The following CTNNA3 variants were observed in gnomAD, a reference collection of about 807,000 sequenced individuals.
The protein encoded by CTNNA3 is catenin alpha 3, also known as catenin alpha-3.
CTNNA3 carries 76 observed loss-of-function variants against 95.7 expected under a neutral mutation model. The ratio of observed to expected loss-of-function variants is 0.79; its 90% CI spans 0.66 to 0.96. The LOEUF is 0.96. CTNNA3 is among the 40% of genes least tolerant of loss of function. The probability of loss-of-function intolerance (pLI) is 0.00; values close to 1 mark genes in which losing one functional copy is unlikely to be tolerated. For missense variants in CTNNA3, 1,191 were observed against 1,089.8 expected (o/e 1.09, Z -1.31); for synonymous variants, 431 against 374.4 (o/e 1.15, Z -1.74).
At chr10:67,372,911 T>C (rs951569780) in intron 5 of CTNNA3, among the ~76,000 whole-genome samples, 9 of 152,050 alleles carry the variant, frequency 5.9e-5, no homozygotes, top group Non-Finnish European at 1.0e-4. Flanking sequence ...AAATACTTTA[T>C]AGACAAGCAA....
intron 5 of CTNNA3, among the ~76,000 whole-genome samples, chr10:67,236,191 G>T (rs577897322): frequency 5.1e-4 from 76 of 149,978 alleles, no homozygotes; most frequent in African/African-American, 1.8e-3. Flanking sequence ...AAATCATGCT[G>T]CTATAAAGAC....
At chr10:67,542,318 C>T (rs77382118) in intron 3 of CTNNA3, among the ~76,000 whole-genome samples, 4,923 of 152,062 alleles carry the variant, frequency 0.032, 96 homozygotes, top group Non-Finnish European at 0.043. Flanking sequence ...CTAGCATAAC[C>T]TTCATCATAA....
intron 13 of CTNNA3, among the ~76,000 whole-genome samples, chr10:66,183,734 C>T (rs1465257601): frequency 1.3e-5 from 2 of 152,074 alleles, no homozygotes; most frequent in Non-Finnish European, 2.9e-5. Flanking sequence ...GACATTGTGA[C>T]TTTTTTTCTT....
At chr10:65,924,997 G>T (rs1473374052) in intron 17 of CTNNA3, among the ~76,000 whole-genome samples, 1 of 152,036 alleles carries the variant, frequency 6.6e-6, no homozygotes, top group African/African-American at 2.4e-5. Flanking sequence ...CCTCCCACTG[G>T]GTCCCTCCCA....
chr10:66,820,239 C>T (rs1395959213), intron 7 of CTNNA3, among the ~76,000 whole-genome samples: 1 of 152,064 alleles, frequency 6.6e-6, no homozygotes, highest in African/African-American at 2.4e-5. Flanking sequence ...AAGCTGGTCA[C>T]AAAAGCTATG....
chr10:67,410,466 C>T (rs1490396623), intron 5 of CTNNA3, among the ~76,000 whole-genome samples: 1 of 151,956 alleles, frequency 6.6e-6, no homozygotes, highest in East Asian at 1.9e-4. Context: ...ACACATTTAC[C>T]TATGTAATAA....
intron 10 of CTNNA3, among the ~76,000 whole-genome samples, chr10:66,597,507 CATACATAT>C (rs1323397077): frequency 4.8e-4 from 38 of 79,614 alleles, no homozygotes; most frequent in African/African-American, 1.2e-3. Context: ...CATTTTATTT[CATACATAT>C]ATATATATAT....
rs1306706784 is a variant in CTNNA3, at chr10:66,153,299, G to A, written c.1885-50050C>T. ...ATTTCAACATCTGGGTCGTCTCAGG[G>A]TTGGACTCTGTTAATCATATATTTT... On this transcript the variant is annotated intron_variant, in intron 13 of 17. Transcript: ENST00000433211. Among the ~76,000 whole-genome samples, 4 of 151,920 alleles carry A rather than the reference G, an allele frequency of 2.6e-5. No homozygotes were observed. In the East Asian group the frequency reaches 7.7e-4, roughly 29 times the overall value.
chr10:66,223,222 A>T (rs2089067609), intron 13 of CTNNA3, among the ~76,000 whole-genome samples: 3 of 152,210 alleles, frequency 2.0e-5, no homozygotes, highest in Admixed American at 6.5e-5. Context: ...TAAGTAAGGA[A>T]TAAAACTCTA....
At chr10:67,144,748 T>C (rs1860760385) in intron 7 of CTNNA3, among the ~76,000 whole-genome samples, 1 of 152,218 alleles carries the variant, frequency 6.6e-6, no homozygotes, top group Admixed American at 6.5e-5. Flanking sequence ...TCCAGACCAC[T>C]AAAACCTTAC....
chr10:65,960,859 T>C (rs2077828190), intron 17 of CTNNA3, among the ~76,000 whole-genome samples: 1 of 152,256 alleles, frequency 6.6e-6, no homozygotes, highest in African/African-American at 2.4e-5. Flanking sequence ...TTAAATTCTT[T>C]TATATGACTG....
At chr10:66,241,412 G>T (rs1226077395) in intron 13 of CTNNA3, among the ~76,000 whole-genome samples, 1 of 152,146 alleles carries the variant, frequency 6.6e-6, no homozygotes, top group Non-Finnish European at 1.5e-5. Context: ...AATCATCTCA[G>T]CTATTGTTCC....
chr10:66,469,858 CG>C (rs1482655891), intron 11 of CTNNA3, among the ~76,000 whole-genome samples: 1 of 151,496 alleles, frequency 6.6e-6, no homozygotes, highest in Non-Finnish European at 1.5e-5. Flanking sequence ...GAGGCAGATA[CG>C]AGACTTAATT....
chr10:66,249,770 G>C (rs1347908397), intron 13 of CTNNA3, among the ~76,000 whole-genome samples: 2 of 152,124 alleles, frequency 1.3e-5, no homozygotes, highest in African/African-American at 4.8e-5. Flanking sequence ...CTTGCAGTGA[G>C]CCGAGATAGC....
chr10:66,359,435 C>G (rs2092636547), intron 12 of CTNNA3, among the ~76,000 whole-genome samples: 1 of 152,014 alleles, frequency 6.6e-6, no homozygotes, highest in African/African-American at 2.4e-5. Context: ...CTAAATAAGG[C>G]CTGATAATTA....
At chr10:65,995,549 C>T (rs2078639018) in intron 15 of CTNNA3, among the ~76,000 whole-genome samples, 1 of 152,066 alleles carries the variant, frequency 6.6e-6, no homozygotes, top group Non-Finnish European at 1.5e-5. Context: ...GCCAAGCATG[C>T]CTGTCTTTGG....
chr10:66,520,588 A>C, intron 11 of CTNNA3, 29 bp downstream of exon 11: 9 of 1,575,642 alleles, frequency 5.7e-6, no homozygotes, highest in Non-Finnish European at 7.8e-6. Context: ...ACAAGAGAAA[A>C]TAAACAAATT....
chr10:67,674,227 G>A (rs569040843), intron 1 of CTNNA3, among the ~76,000 whole-genome samples: 10 of 152,136 alleles, frequency 6.6e-5, no homozygotes, highest in Non-Finnish European at 1.3e-4. Flanking sequence ...TCATACTGGT[G>A]TCCTTCTAAG....
intron 13 of CTNNA3, among the ~76,000 whole-genome samples, chr10:66,166,136 G>A (rs1419205457): frequency 6.6e-6 from 1 of 151,918 alleles, no homozygotes; most frequent in Non-Finnish European, 1.5e-5. Context: ...CCTTCAAGAA[G>A]GTAACTGCAT....
Sources: allele counts gnomAD v4.1 joint callset (sites outside exome capture counted in the v4.1 genomes callset), GRCh38; gene constraint gnomAD v4.1.1; transcripts MANE v1.5; gene names NCBI Gene and HGNC (gene_info 2026-07-23, HGNC 2026-07-21).